Variants in SHANK2 observed in about 807,000 individuals in gnomAD.
SHANK2 encodes the protein SH3 and multiple ankyrin repeat domains 2.
In SHANK2, 43 loss-of-function variants were observed where a neutral mutation model predicts 133.7. The ratio of observed to expected loss-of-function variants is 0.32; its 90% CI spans 0.25 to 0.41. The LOEUF (loss-of-function observed/expected upper bound fraction) is 0.41. Among genes scored for constraint, SHANK2 ranks in the 10% least tolerant of loss-of-function variants. SHANK2 has a pLI of 1.00. For missense variants in SHANK2, 1,994 were observed against 2,235.8 expected, an observed-to-expected ratio of 0.89 and a Z score of 2.18; for synonymous variants, 1,017 against 952.8, an observed-to-expected ratio of 1.07 and a Z score of -1.24.
intron 14 of SHANK2, among the ~76,000 whole-genome samples, chr11:70,795,973 G>A (rs1947901535): frequency 6.6e-6 from 1 of 152,218 alleles, no homozygotes; most frequent in South Asian, 2.1e-4. Flanking sequence ...CAAGGACATT[G>A]TCCTGGGAGT....
chr11:71,165,711 C>A (rs1161148912), intron 2 of SHANK2, among the ~76,000 whole-genome samples: 1 of 152,150 alleles, frequency 6.6e-6, no homozygotes, highest in Admixed American at 6.5e-5. Context: ...TGAAATACCC[C>A]CAAGTGAAAC....
chr11:70,831,770 G>A (rs1555058523), intron 11 of SHANK2, among the ~76,000 whole-genome samples: 3 of 152,266 alleles, frequency 2.0e-5, no homozygotes, highest in Non-Finnish European at 4.4e-5. Flanking sequence ...GTGCTCACGG[G>A]TCTCAGAAAC....
rs569659330 is a variant in SHANK2, at chr11:70,890,818, G to C, written c.1174+5683C>G. Among the ~76,000 whole-genome samples, 3 of 140,760 alleles carry C rather than the reference G, an allele frequency of 2.1e-5. No individual in the cohort carries two copies. The South Asian group carries it at 6.6e-4, about 31-fold the overall frequency. The allele number at this position is 140,760 out of a possible 152,430, so 92.3% of individuals were successfully genotyped here. A position where few individuals can be genotyped will look rare whatever the true frequency, so the allele number is the denominator to read the frequency against. On this transcript the variant is annotated intron_variant, in intron 11 of 25. Transcript: ENST00000601538. ...GTCTCAAAAAAAAAAAAAAAAATTAGCTGGGCATGGTGGCAGGCGCCTGTA... is the reference window on the plus strand; with the variant it reads ...GTCTCAAAAAAAAAAAAAAAAATTACCTGGGCATGGTGGCAGGCGCCTGTA...
At chr11:70,712,169 A>G (rs73527922) in intron 14 of SHANK2, among the ~76,000 whole-genome samples, 4,296 of 152,060 alleles carry the variant, frequency 0.028, 197 homozygotes, top group African/African-American at 0.097. Flanking sequence ...CACTGCCTCC[A>G]CCTTCAAAGC....
intron 2 of SHANK2, among the ~76,000 whole-genome samples, chr11:71,191,269 G>C (rs1475890606): frequency 6.6e-6 from 1 of 152,174 alleles, no homozygotes; most frequent in African/African-American, 2.4e-5. Context: ...CTGATAAACT[G>C]TGTGTTATGA....
intron 12 of SHANK2, among the ~76,000 whole-genome samples, chr11:70,809,363 G>A (rs1948232257): frequency 6.6e-6 from 1 of 152,206 alleles, no homozygotes; most frequent in Non-Finnish European, 1.5e-5. Context: ...AGGGACCCAT[G>A]CAAAACAGGC....
At position 70,486,517 on chromosome 11, in the gene SHANK2, G is replaced by A; in HGVS notation, c.3776C>T (p.Ala1259Val). The A allele has an allele frequency of 6.2e-7, 1 of 1,614,174 alleles. No individual in the cohort carries two copies. Among genetic ancestry groups the A allele is most frequent in the Non-Finnish European group, 8.5e-7 (1 of 1,180,042 alleles). The change falls in exon 25 of 26, where the codon GCC (alanine) becomes GTC (valine). Residue 1259 changes from alanine (A) to valine (V), a missense_variant. This residue lies in a region of SHANK2 where 797 missense variants were observed against 907.4 expected (regional missense o/e 0.88). Transcript: ENST00000601538. The surrounding 1 kb of genome is among the most constrained non-coding windows in gnomAD (Gnocchi z 8.0). ...IDTKMRPSLDAGFPTVTRQNT... is the reference protein window; with the variant it reads ...IDTKMRPSLDVGFPTVTRQNT... The stretch of plus-strand genomic sequence containing the variant: ...CTGCCTGGTGACCGTAGGGAAGCCG[G>A]CATCCAGGCTGGGCCGCATTTTGGT...
At chr11:70,577,142 G>T (rs953769125) in intron 17 of SHANK2, among the ~76,000 whole-genome samples, 2 of 152,210 alleles carry the variant, frequency 1.3e-5, no homozygotes, top group Non-Finnish European at 2.9e-5. Flanking sequence ...TGACACAGAC[G>T]TGACACCGTG....
At chr11:71,078,523 CA>C (rs1459472709) in intron 8 of SHANK2, among the ~76,000 whole-genome samples, 13 of 152,244 alleles carry the variant, frequency 8.5e-5, no homozygotes, top group African/African-American at 3.1e-4. Flanking sequence ...CAAAGATCAC[CA>C]AACAAGATCT....
At chr11:70,502,745 C>T in intron 18 of SHANK2, 51 bp downstream of exon 18, 1 of 883,800 alleles carries the variant, frequency 1.1e-6, no homozygotes, top group Non-Finnish European at 1.6e-6. Context: ...GCCCCCACCC[C>T]CCCCCCCCAG....
At chr11:70,666,240 C>T (rs1555014792) in intron 15 of SHANK2, among the ~76,000 whole-genome samples, 2 of 152,158 alleles carry the variant, frequency 1.3e-5, no homozygotes, top group East Asian at 1.9e-4. Flanking sequence ...ACAGAAAAGG[C>T]AGCCCCAGGC....
At chr11:71,235,010 G>A (rs1954807628) in intron 1 of SHANK2, among the ~76,000 whole-genome samples, 1 of 152,194 alleles carries the variant, frequency 6.6e-6, no homozygotes, top group African/African-American at 2.4e-5. Context: ...TAAAAAGGAA[G>A]GAGGCACTGA....
intron 15 of SHANK2, among the ~76,000 whole-genome samples, chr11:70,678,900 G>A (rs1315370518): frequency 6.6e-6 from 1 of 152,100 alleles, no homozygotes; most frequent in Non-Finnish European, 1.5e-5. Flanking sequence ...CCCAAGTCCA[G>A]GCTGCACAGG....
intron 11 of SHANK2, among the ~76,000 whole-genome samples, chr11:70,843,888 C>T (rs138032908): frequency 4.5e-4 from 69 of 152,226 alleles, no homozygotes; most frequent in African/African-American, 1.5e-3. Flanking sequence ...CTGGTGCTTC[C>T]GTCGGAAGGC....
intron 10 of SHANK2, among the ~76,000 whole-genome samples, chr11:70,925,787 T>G (rs1950419244): frequency 6.6e-6 from 1 of 152,152 alleles, no homozygotes. Flanking sequence ...ATTCTCATGG[T>G]CTGCGGTGCT....
At position 71,175,586 on chromosome 11, in the gene SHANK2, G is replaced by C. The variant is rs1038319655; in HGVS notation, c.-12-28248C>G. Among the ~76,000 whole-genome samples the C allele has an allele frequency of 2.3e-4, 32 of 138,590 alleles. No homozygotes were observed. Among genetic ancestry groups the C allele is most frequent in the East Asian group, 6.2e-4 (3 of 4,844 alleles). The allele number at this position is 138,590 out of a possible 152,430, so 90.9% of individuals were successfully genotyped here. On this transcript the variant is annotated intron_variant, in intron 2 of 25. Transcript: ENST00000601538. This position sits in a 1 kb window ranked among gnomAD's most constrained non-coding sequence, Gnocchi z 4.2. Reference sequence around the variant, plus strand: ...AGAGAGAGAGAGAGAGAGAGAGAGAGAGAGAGAGAGAGAGAGACAGAGACA... The same window carrying C: ...AGAGAGAGAGAGAGAGAGAGAGAGACAGAGAGAGAGAGAGAGACAGAGACA...
chr11:70,550,626 T>C (rs570588678), intron 17 of SHANK2, among the ~76,000 whole-genome samples: 17 of 152,160 alleles, frequency 1.1e-4, no homozygotes, highest in African/African-American at 3.9e-4. Context: ...CGGATTCGCG[T>C]GGGTTGGTGG....
intron 17 of SHANK2, among the ~76,000 whole-genome samples, chr11:70,546,899 C>T (rs2059702589): frequency 6.6e-6 from 1 of 152,220 alleles, no homozygotes; most frequent in Non-Finnish European, 1.5e-5. Flanking sequence ...TTTGCTTCAC[C>T]AGACTCCCTG....
intron 17 of SHANK2, among the ~76,000 whole-genome samples, chr11:70,503,972 A>C (rs1391649350): frequency 1.3e-5 from 2 of 152,304 alleles, no homozygotes; most frequent in African/African-American, 4.8e-5. Flanking sequence ...ACTGAGCTCC[A>C]CAGGGGGCCT....
Sources: gnomAD v4.1 joint callset for allele counts (sites outside exome capture counted in the v4.1 genomes callset) on GRCh38, gnomAD v4.1.1 for gene constraint, gnomAD v4.1.1 regional missense constraint, Gnocchi (gnomAD v3.1) non-coding constraint, MANE v1.5 for transcripts, NCBI Gene and HGNC (gene_info 2026-07-23, HGNC 2026-07-21) for gene names.